PCSK2: variants seen among roughly 807,000 people sequenced by gnomAD.
PCSK2 encodes proprotein convertase subtilisin/kexin type 2.
PCSK2 carries 14 observed loss-of-function variants against 69.7 expected under a neutral mutation model. That is an observed-to-expected ratio of 0.20 (90% CI 0.13 to 0.31). The LOEUF is 0.31. Among genes scored for constraint, PCSK2 ranks in the 10% least tolerant of loss-of-function variants. The probability of loss-of-function intolerance (pLI) is 1.00; values close to 1 mark genes in which losing one functional copy is unlikely to be tolerated. For synonymous variants in PCSK2, 307 were observed against 320.7 expected (o/e 0.96, Z 0.46); for missense variants, 544 against 842.5 (o/e 0.65, Z 4.39).
chr20:17,272,822 G>A (rs1281561159), intron 2 of PCSK2, among the ~76,000 whole-genome samples: 1 of 152,066 alleles, frequency 6.6e-6, no homozygotes, highest in African/African-American at 2.4e-5. Flanking sequence ...TTTGAAGACT[G>A]TTTATATGGC....
intron 5 of PCSK2, among the ~76,000 whole-genome samples, chr20:17,393,899 A>C (rs2031447846): frequency 6.6e-6 from 1 of 152,258 alleles, no homozygotes; most frequent in Non-Finnish European, 1.5e-5. Context: ...AATGTAAAAA[A>C]AGTACAAGTA....
intron 6 of PCSK2, among the ~76,000 whole-genome samples, chr20:17,427,156 A>C (rs2032265217): frequency 6.6e-6 from 1 of 152,202 alleles, no homozygotes; most frequent in African/African-American, 2.4e-5. Flanking sequence ...GTGAGGATTT[A>C]ATAGGATAAT....
At chr20:17,356,708 T>C (rs1238643679) in intron 2 of PCSK2, among the ~76,000 whole-genome samples, 2 of 152,148 alleles carry the variant, frequency 1.3e-5, no homozygotes, top group African/African-American at 2.4e-5. Flanking sequence ...TCACAATCAA[T>C]GGGCAGCTGG....
intron 1 of PCSK2, among the ~76,000 whole-genome samples, chr20:17,244,044 G>A (rs1006003319): frequency 6.6e-6 from 1 of 152,082 alleles, no homozygotes; most frequent in African/African-American, 2.4e-5. Flanking sequence ...TCACATTAGA[G>A]TTAACTTTCT....
At chr20:17,279,708 A>C (rs1318866781) in intron 2 of PCSK2, among the ~76,000 whole-genome samples, 1 of 148,402 alleles carries the variant, frequency 6.7e-6, no homozygotes, top group Non-Finnish European at 1.5e-5. Context: ...AATGGCCTGA[A>C]CCCGGGAGGC....
chr20:17,418,218 A>G (rs899519342), intron 6 of PCSK2, among the ~76,000 whole-genome samples: 5 of 152,284 alleles, frequency 3.3e-5, no homozygotes, highest in Admixed American at 2.6e-4. Flanking sequence ...AGGTATTATG[A>G]TTTTCCCCTT....
At chr20:17,244,093 A>G (rs955785366) in intron 1 of PCSK2, among the ~76,000 whole-genome samples, 1 of 152,232 alleles carries the variant, frequency 6.6e-6, no homozygotes, top group Non-Finnish European at 1.5e-5. Flanking sequence ...TAGAAAACAC[A>G]CACACACCAT....
chr20:17,453,395 C>T lies in PCSK2; in HGVS notation c.886-347C>T, dbSNP rs960489141. ...CCTCTAGAGAGTTGTTTTTTATTTTCCTTTCCATACAGTTAGACTTTTCAT... is the reference window on the plus strand; with the variant it reads ...CCTCTAGAGAGTTGTTTTTTATTTTTCTTTCCATACAGTTAGACTTTTCAT... On this transcript the variant is annotated intron_variant, in intron 8 of 11. Coordinates refer to ENST00000262545, the MANE Select transcript of PCSK2 (RefSeq NM_002594.5). This position sits in a 1 kb window ranked among gnomAD's most constrained non-coding sequence, Gnocchi z 4.0. Among the ~76,000 whole-genome samples the T allele has an allele frequency of 3.3e-5, 5 of 151,878 alleles. No homozygotes were observed. Among genetic ancestry groups the T allele is most frequent in the African/African-American group, 9.7e-5 (4 of 41,372 alleles).
At chr20:17,443,456 G>A (rs956806502) in intron 8 of PCSK2, among the ~76,000 whole-genome samples, 8 of 152,270 alleles carry the variant, frequency 5.3e-5, no homozygotes, top group African/African-American at 1.9e-4. Flanking sequence ...TTCATTGTGT[G>A]ACTGGAGAGA....
intron 2 of PCSK2, among the ~76,000 whole-genome samples, chr20:17,309,711 G>A (rs546344712): frequency 1.3e-5 from 2 of 152,018 alleles, no homozygotes; most frequent in Admixed American, 6.6e-5. Context: ...CCTGCTACTC[G>A]GGAGGATGAG....
intron 2 of PCSK2, among the ~76,000 whole-genome samples, chr20:17,289,039 T>C (rs2123062047): frequency 6.6e-6 from 1 of 152,328 alleles, no homozygotes; most frequent in Non-Finnish European, 1.5e-5. Flanking sequence ...GAAACCACCT[T>C]GTGCCTAGAA....
In PCSK2 at chr20:17,260,104, C is replaced by T. The variant is rs1357751705; in HGVS notation, c.178-136C>T. On this transcript the variant is annotated intron_variant, in intron 1 of 11. Transcript: ENST00000262545. ...TAGGGAAATAGAGGACCAGGACTGA[C>T]AGGAGGTTTGCCAGTGGTTTCCTTG... 13 of 670,580 alleles carry T rather than the reference C, an allele frequency of 1.9e-5. No individual in the cohort carries two copies. The Admixed American group carries it at 2.1e-4, about 11-fold the overall frequency. The allele number at this position is 670,580 out of a possible 1,614,324, so 41.5% of individuals were successfully genotyped here. A position where few individuals can be genotyped will look rare whatever the true frequency, so the allele number is the denominator to read the frequency against.
At chr20:17,304,528 C>A (rs777413777) in intron 2 of PCSK2, among the ~76,000 whole-genome samples, 1 of 152,200 alleles carries the variant, frequency 6.6e-6, no homozygotes, top group Non-Finnish European at 1.5e-5. Flanking sequence ...GGACACTGGA[C>A]TGGCAATCTG....
chr20:17,355,636 CAT>C (rs1476267428), intron 2 of PCSK2, among the ~76,000 whole-genome samples: 1 of 128,024 alleles, frequency 7.8e-6, no homozygotes, highest in Non-Finnish European at 1.6e-5. Context: ...TGAATATGCA[CAT>C]GTGTGCACGC....
rs73255653 is a variant in PCSK2, at chr20:17,364,490, G to A, written c.505+3850G>A. Among the ~76,000 whole-genome samples the A allele has an allele frequency of 4.6e-3, 707 of 152,308 alleles. 7 individuals carry two copies. Among genetic ancestry groups the A allele is most frequent in the African/African-American group, 0.016 (664 of 41,562 alleles). ...CACGATCATGGCGGGAGATGAAACC[G>A]TGTCTTACATGGCAGCAGGCAAGAG... On this transcript the variant is annotated intron_variant, in intron 4 of 11. Transcript: ENST00000262545.
At chr20:17,309,132 G>C (rs1219325923) in intron 2 of PCSK2, among the ~76,000 whole-genome samples, 2 of 152,190 alleles carry the variant, frequency 1.3e-5, no homozygotes, top group African/African-American at 4.8e-5. Context: ...ACCAGAGACA[G>C]ATCATGGAGG....
At chr20:17,407,477 A>G (rs2031778471) in intron 5 of PCSK2, among the ~76,000 whole-genome samples, 1 of 152,202 alleles carries the variant, frequency 6.6e-6, no homozygotes, top group Non-Finnish European at 1.5e-5. Context: ...TTCCTACCCC[A>G]CTAACTATAC....
chr20:17,353,605 A>C (rs2030086132), intron 2 of PCSK2, among the ~76,000 whole-genome samples: 1 of 152,222 alleles, frequency 6.6e-6, no homozygotes, highest in Admixed American at 6.5e-5. Flanking sequence ...AGAACCTAAA[A>C]CAAAATTATC....
intron 5 of PCSK2, among the ~76,000 whole-genome samples, chr20:17,386,783 A>G (rs113408704): frequency 7.9e-5 from 12 of 152,294 alleles, no homozygotes; most frequent in African/African-American, 2.9e-4. Context: ...TATGTTACAT[A>G]TTTTTTACCA....
Sources: gnomAD v4.1 joint callset for allele counts (sites outside exome capture counted in the v4.1 genomes callset) on GRCh38, gnomAD v4.1.1 for gene constraint, Gnocchi (gnomAD v3.1) non-coding constraint, MANE v1.5 for transcripts, NCBI Gene and HGNC (gene_info 2026-07-23, HGNC 2026-07-21) for gene names.